The following SLC1A1 variants were observed in gnomAD, a reference collection of about 807,000 sequenced individuals.
The protein encoded by SLC1A1 is excitatory amino acid transporter 3.
SLC1A1 carries 43 observed loss-of-function variants against 53.3 expected under a neutral mutation model. That is an observed-to-expected ratio of 0.81 (90% CI 0.63 to 1.04). SLC1A1 has a LOEUF of 1.04. Ranked by LOEUF, SLC1A1 falls within the 50% of genes least tolerant of loss-of-function variation. The probability of loss-of-function intolerance (pLI) is 0.00; values close to 1 mark genes in which losing one functional copy is unlikely to be tolerated. For missense variants in SLC1A1, 748 were observed against 664.9 expected (o/e 1.12, Z -1.37); for synonymous variants, 307 against 243.2 (o/e 1.26, Z -2.44).
intron 10 of SLC1A1, among the ~76,000 whole-genome samples, chr9:4,577,480 T>C (rs1820663171): frequency 6.6e-6 from 1 of 152,154 alleles, no homozygotes; most frequent in Non-Finnish European, 1.5e-5. Flanking sequence ...ATTTTATGTA[T>C]TTATTTATTT....
chr9:4,544,919 G>T (rs905098251), intron 2 of SLC1A1, among the ~76,000 whole-genome samples: 19 of 152,190 alleles, frequency 1.2e-4, no homozygotes, highest in Non-Finnish European at 2.8e-4. Flanking sequence ...GAGAAAGGCT[G>T]GGCGAAGCAG....
chr9:4,539,600 C>T (rs748024697), intron 1 of SLC1A1, among the ~76,000 whole-genome samples: 113 of 152,220 alleles, frequency 7.4e-4, no homozygotes, highest in Non-Finnish European at 2.5e-4. Flanking sequence ...GAGATGGAAT[C>T]TCACTCTGTC....
chr9:4,561,686 G>A, intron 3 of SLC1A1, 145 bp downstream of exon 3: 1 of 711,936 alleles, frequency 1.4e-6, no homozygotes, highest in Non-Finnish European at 2.6e-6. Flanking sequence ...GAGGTCAGGG[G>A]TTTGAGACCA....
chr9:4,520,343 T>C (rs1381091932), intron 1 of SLC1A1, among the ~76,000 whole-genome samples: 1 of 152,190 alleles, frequency 6.6e-6, no homozygotes, highest in Non-Finnish European at 1.5e-5. Flanking sequence ...TCCCACCTCA[T>C]GAAAAAGCCA....
intron 1 of SLC1A1, among the ~76,000 whole-genome samples, chr9:4,544,325 G>C (rs540726374): frequency 1.3e-5 from 2 of 152,112 alleles, no homozygotes; most frequent in Non-Finnish European, 2.9e-5. Flanking sequence ...TGATAGCGAA[G>C]AAATGACAAC....
chr9:4,568,216 T>A (rs1819668241), intron 6 of SLC1A1, among the ~76,000 whole-genome samples: 1 of 151,884 alleles, frequency 6.6e-6, no homozygotes. Context: ...GCCCAGGAGT[T>A]CCAGACCAGT....
intron 1 of SLC1A1, among the ~76,000 whole-genome samples, chr9:4,532,731 C>T (rs970540871): frequency 1.8e-4 from 28 of 152,026 alleles, no homozygotes; most frequent in African/African-American, 5.8e-4. Context: ...AGATACTCCT[C>T]GAGAAGAGCA....
intron 2 of SLC1A1, chr9:4,553,344 C>T (rs2130894805): frequency 6.7e-6 from 1 of 150,216 alleles, no homozygotes; most frequent in African/African-American, 2.5e-5. Flanking sequence ...CTGCTGAAAC[C>T]AGGACACAGC....
At chr9:4,497,510 T>C (rs1268462254) in intron 1 of SLC1A1, among the ~76,000 whole-genome samples, 1 of 152,220 alleles carries the variant, frequency 6.6e-6, no homozygotes, top group East Asian at 1.9e-4. Flanking sequence ...TGCTGAGCCA[T>C]TTATGACCCA....
rs562859864 is a variant in SLC1A1, at chr9:4,530,808, G to C, written c.92-13759G>C. 9.8e-5 allele frequency among the ~76,000 whole-genome samples: 15 copies of C among 152,288 alleles called. No homozygotes were observed. In the South Asian group the frequency reaches 2.3e-3, roughly 23 times the overall value. ...TTTGGATATTAATAAATGCAAAAGT[G>C]TTATTGCCTCTTTTTGAATTAACAT... On this transcript the variant is annotated intron_variant, in intron 1 of 11. Transcript: ENST00000262352.
In SLC1A1 at chr9:4,573,988, C is replaced by A. The variant is rs1393971345; in HGVS notation, c.849C>A (p.Gly283=). Reference sequence around the variant, plus strand: ...ACTGGGAAATATTCCGCAAGCTGGGCCTTTACATGGCCACAGTCCTGACTG... The same window carrying A: ...ACTGGGAAATATTCCGCAAGCTGGGACTTTACATGGCCACAGTCCTGACTG... ...VEDWEIFRKL[G]LYMATVLTGL... The change falls in exon 8 of 12, where the codon GGC becomes GGA. Residue 283 remains glycine (G), a synonymous_variant. Transcript: ENST00000262352. 3.1e-6 allele frequency: 5 copies of A among 1,612,962 alleles called. No individual in the cohort carries two copies. In the South Asian group the frequency reaches 4.4e-5, roughly 14 times the overall value.
intron 1 of SLC1A1, among the ~76,000 whole-genome samples, chr9:4,500,468 T>C (rs7850152): frequency 0.072 from 11,003 of 152,040 alleles, 956 homozygotes; most frequent in African/African-American, 0.21. Context: ...CCACCACAAC[T>C]GGCTAATATT....
At position 4,515,730 on chromosome 9, in the gene SLC1A1, C is replaced by T. The variant is rs1027345230; in HGVS notation, c.91+24960C>T. Among the ~76,000 whole-genome samples, 30 of 152,208 alleles carry T rather than the reference C, an allele frequency of 2.0e-4. 1 individual carries two copies. The highest frequency in any genetic ancestry group is 4.4e-5 in the Non-Finnish European group (3 of 68,036). On this transcript the variant is annotated intron_variant, in intron 1 of 11. Transcript: ENST00000262352. ...AGACTTCTCTGGGATTCAGTATTCTCTTGGTAAAAGAGTCATCTTTCCAGC... is the reference window on the plus strand; with the variant it reads ...AGACTTCTCTGGGATTCAGTATTCTTTTGGTAAAAGAGTCATCTTTCCAGC...
At position 4,490,749 on chromosome 9, in the gene SLC1A1, A is replaced by T. The variant is rs1386651179; in HGVS notation, c.70A>T (p.Thr24Ser). 1 of 1,612,496 alleles carries T rather than the reference A, an allele frequency of 6.2e-7. No individual in the cohort carries two copies. The highest frequency in any genetic ancestry group is 1.7e-5 in the Admixed American group (1 of 59,952). ...GAAGAATAACTGGGTGTTGCTGTCC[A>T]CCGTGGCCGCGGTGGTGCTAGGTGA... is the stretch of plus-strand genomic sequence containing the variant. The part of the protein sequence containing the change: ...FLKNNWVLLS[T>S]VAAVVLGITT... The change falls in exon 1 of 12, where the codon ACC becomes TCC. Residue 24 changes from threonine (T) to serine (S), a missense_variant. Coordinates refer to ENST00000262352, the MANE Select transcript of SLC1A1 (RefSeq NM_004170.6).
At chr9:4,532,975 T>C (rs1816532273) in intron 1 of SLC1A1, among the ~76,000 whole-genome samples, 1 of 151,998 alleles carries the variant, frequency 6.6e-6, no homozygotes, top group Admixed American at 6.6e-5. Flanking sequence ...GCTTCATAAG[T>C]GAAGGAGAAA....
intron 1 of SLC1A1, among the ~76,000 whole-genome samples, chr9:4,497,055 G>A (rs973670082): frequency 1.3e-5 from 2 of 152,150 alleles, no homozygotes; most frequent in African/African-American, 4.8e-5. Context: ...GAAGGGAGGA[G>A]TTAAGGGTGA....
intron 1 of SLC1A1, among the ~76,000 whole-genome samples, chr9:4,541,289 G>A (rs1048183299): frequency 2.6e-5 from 4 of 152,140 alleles, no homozygotes; most frequent in Non-Finnish European, 4.4e-5. Context: ...AGAGAAATGG[G>A]GTCAGTGCTT....
At position 4,576,634 on chromosome 9, in the gene SLC1A1, CT is replaced by C; in HGVS notation, c.1065del (p.Arg356AspfsTer29). The C allele has an allele frequency of 6.2e-7, 1 of 1,614,148 alleles. No individual in the cohort carries two copies. The highest frequency in any genetic ancestry group is 8.5e-7 in the Non-Finnish European group (1 of 1,179,984). On this transcript the variant is annotated frameshift_variant, in exon 10 of 12. Transcript: ENST00000262352. LOFTEE classifies it high-confidence loss of function. ...EENNQVDKRI[T>X]RFVLPVGATI... The stretch of plus-strand genomic sequence containing the variant: ...AATAACCAGGTGGACAAGAGGATCA[CT>C]CGATTCGTGTTACCCGTTGGTGCAA...
chr9:4,564,248 G>T, intron 3 of SLC1A1, 96 bp from the exon 4 acceptor site: 1 of 850,392 alleles, frequency 1.2e-6, no homozygotes, highest in Non-Finnish European at 2.0e-6. Context: ...TCACACTATT[G>T]CCTGGTACAA....
Sources: allele counts gnomAD v4.1 joint callset (sites outside exome capture counted in the v4.1 genomes callset), GRCh38; gene constraint gnomAD v4.1.1; transcripts MANE v1.5; gene names NCBI Gene and HGNC (gene_info 2026-07-23, HGNC 2026-07-21).